Variants in IQCM observed in about 807,000 individuals in gnomAD.
IQCM encodes the protein IQ domain-containing protein M.
A neutral mutation model predicts 57.6 loss-of-function variants in IQCM; 45 were observed. That is an observed-to-expected ratio of 0.78 (90% confidence interval 0.62 to 1.00). The LOEUF is 1.00. Ranked by LOEUF, IQCM falls within the 50% of genes least tolerant of loss-of-function variation. The pLI, the probability that IQCM is intolerant of heterozygous loss-of-function variation, is 0.00. For missense variants in IQCM, 468 were observed against 511.6 expected (o/e 0.91, Z 0.82); for synonymous variants, 148 against 158.9 (o/e 0.93, Z 0.51).
At position 149,686,408 on chromosome 4, in the gene IQCM, G is replaced by A; in HGVS notation, c.446C>T (p.Thr149Ile). 1 of 1,226,340 alleles carries A rather than the reference G, an allele frequency of 8.2e-7. No individual in the cohort carries two copies. The highest frequency in any genetic ancestry group is 1.0e-6 in the Non-Finnish European group (1 of 983,340). 76.0% of individuals were successfully genotyped at this position (1,226,340 alleles called of 1,614,324 possible). ...CTCCTCAAAGTGCTGTTGCTTTGCTGTCTCCATTTTTTTACTCACTGGTTC... is the reference window on the plus strand; with the variant it reads ...CTCCTCAAAGTGCTGTTGCTTTGCTATCTCCATTTTTTTACTCACTGGTTC... ...IIEPVSKKME[T>I]AKQQHFEESR... is the part of the protein sequence containing the mutation. The change falls in exon 6 of 14, where the codon ACA (threonine) becomes ATA (isoleucine). Residue 149 changes from threonine (T) to isoleucine (I), a missense_variant. Thr to Ile is a moderately conservative substitution (Grantham distance 89). Coordinates refer to ENST00000636793, the MANE Select transcript of IQCM (RefSeq NM_001363507.2).
intron 8 of IQCM, among the ~76,000 whole-genome samples, chr4:149,620,162 C>A (rs368852425): frequency 0.017 from 2,417 of 143,260 alleles, 39 homozygotes; most frequent in Middle Eastern, 0.043. Context: ...GTCTCAAAAA[C>A]AAAAAAAAAA....
intron 8 of IQCM, among the ~76,000 whole-genome samples, chr4:149,593,311 C>G (rs985125019): frequency 2.6e-5 from 4 of 152,036 alleles, no homozygotes; most frequent in Non-Finnish European, 5.9e-5. Flanking sequence ...GATTTTGTAT[C>G]CTGAGACTTT....
intron 11 of IQCM, among the ~76,000 whole-genome samples, chr4:149,551,126 A>C (rs947954794): frequency 2.6e-5 from 4 of 152,106 alleles, no homozygotes; most frequent in Non-Finnish European, 5.9e-5. Flanking sequence ...CTACCTTTCC[A>C]ATTTCATTTT....
At chr4:149,625,445 T>G (rs563495052) in intron 7 of IQCM, among the ~76,000 whole-genome samples, 1 of 152,330 alleles carries the variant, frequency 6.6e-6, no homozygotes, top group African/African-American at 2.4e-5. Context: ...GAGAAAAGTA[T>G]AACAAGCTTG....
At chr4:149,358,879 G>GATATACTCTCATGAGTATATCATGAT (rs1427812018) in intron 13 of IQCM, among the ~76,000 whole-genome samples, 1 of 151,982 alleles carries the variant, frequency 6.6e-6, no homozygotes, top group African/African-American at 2.4e-5. Flanking sequence ...AGTATATCAT[G>GATATACTCTCATGAGTATATCATGAT]AGACCACAGT....
intron 13 of IQCM, among the ~76,000 whole-genome samples, chr4:149,424,100 G>A (rs1159061023): frequency 1.3e-5 from 2 of 152,034 alleles, no homozygotes; most frequent in African/African-American, 2.4e-5. Context: ...GAGAATTACA[G>A]TGGGGAATAA....
At chr4:149,666,786 C>T (rs1369283834) in intron 7 of IQCM, among the ~76,000 whole-genome samples, 1 of 152,080 alleles carries the variant, frequency 6.6e-6, no homozygotes, top group Non-Finnish European at 1.5e-5. Flanking sequence ...GCATTTTCCC[C>T]TCACAGTGTA....
intron 8 of IQCM, among the ~76,000 whole-genome samples, chr4:149,594,254 T>A (rs1474529758): frequency 6.6e-6 from 1 of 152,202 alleles, no homozygotes; most frequent in Non-Finnish European, 1.5e-5. Context: ...TAGGGGTGTT[T>A]ATAGTATTCT....
In IQCM at chr4:149,548,465, C is replaced by A; in HGVS notation, c.1218G>T (p.Leu406=). Residue 406 remains leucine, a synonymous_variant, in exon 12 of 14, where the codon CTG becomes CTT. Coordinates refer to ENST00000636793, the MANE Select transcript of IQCM (RefSeq NM_001363507.2). Reference sequence around the variant, plus strand: ...TGAGAAACTACTCACCTTGATGGACCAGGTCCCAAGTATCATCAACTTGTT... The same window carrying A: ...TGAGAAACTACTCACCTTGATGGACAAGGTCCCAAGTATCATCAACTTGTT... ...TQKQVDDTWD[L]VHQDGKEKYS... The A allele has an allele frequency of 3.2e-6, 4 of 1,231,868 alleles. No individual in the cohort carries two copies. Among genetic ancestry groups the A allele is most frequent in the Non-Finnish European group, 4.0e-6 (4 of 987,848 alleles). 76.3% of individuals were successfully genotyped at this position (1,231,868 alleles called of 1,614,324 possible).
intron 12 of IQCM, among the ~76,000 whole-genome samples, chr4:149,546,429 CCCA>C (rs1289152637): frequency 1.3e-5 from 2 of 152,190 alleles, no homozygotes; most frequent in Admixed American, 6.5e-5. Context: ...AGTTTACAGT[CCCA>C]CCAACAGTGT....
intron 10 of IQCM, among the ~76,000 whole-genome samples, chr4:149,563,070 C>T (rs111887075): frequency 0.018 from 2,798 of 152,206 alleles, 57 homozygotes; most frequent in African/African-American, 0.055. Flanking sequence ...TGCATTTGCC[C>T]AGCCAAAATG....
At chr4:149,675,256 A>G (rs1561141260) in intron 7 of IQCM, among the ~76,000 whole-genome samples, 1 of 152,074 alleles carries the variant, frequency 6.6e-6, no homozygotes, top group East Asian at 1.9e-4. Flanking sequence ...AAATCAATAG[A>G]TTACTATAAG....
At chr4:149,667,967 T>C (rs1412848023) in intron 7 of IQCM, among the ~76,000 whole-genome samples, 1 of 151,936 alleles carries the variant, frequency 6.6e-6, no homozygotes, top group Non-Finnish European at 1.5e-5. Flanking sequence ...CACCTGAAAG[T>C]GACAGGAAGA....
In IQCM at chr4:149,788,188, G is replaced by T. The variant is rs184224456; in HGVS notation, c.-49+27123C>A. Among the ~76,000 whole-genome samples the T allele has an allele frequency of 5.3e-5, 8 of 152,212 alleles. No individual in the cohort carries two copies. In the East Asian group the frequency reaches 1.2e-3, roughly 22 times the overall value. On this transcript the variant is annotated intron_variant, in intron 2 of 13. Transcript: ENST00000636793. ...GTCTCTACTAAAAATACAAAAATTA[G>T]CTGGGCATGGTGGCACAAGTCTGTA...
At chr4:149,785,845 C>A (rs1325846758) in intron 2 of IQCM, among the ~76,000 whole-genome samples, 1 of 151,550 alleles carries the variant, frequency 6.6e-6, no homozygotes, top group Non-Finnish European at 1.5e-5. Flanking sequence ...TCTTAGCCCT[C>A]AAGCTGCACA....
chr4:149,762,878 C>T (rs1321000128), intron 2 of IQCM, among the ~76,000 whole-genome samples: 2 of 151,972 alleles, frequency 1.3e-5, no homozygotes, highest in East Asian at 3.9e-4. Flanking sequence ...AATCTGTTGC[C>T]ACATAGCAAT....
chr4:149,646,953 C>T (rs1758693558), intron 7 of IQCM, among the ~76,000 whole-genome samples: 1 of 152,150 alleles, frequency 6.6e-6, no homozygotes, highest in Admixed American at 6.5e-5. Flanking sequence ...AACTGCACTC[C>T]AACCTGGGTG....
rs145644899 is a variant in IQCM at position 149,454,971 on chromosome 4, C to T, written c.1229-21414G>A. Among the ~76,000 whole-genome samples, 21 of 152,026 alleles carry T rather than the reference C, an allele frequency of 1.4e-4. 1 individual carries two copies. The East Asian group carries it at 4.1e-3, about 30-fold the overall frequency. On this transcript the variant is annotated intron_variant, in intron 12 of 13. Coordinates refer to ENST00000636793, the MANE Select transcript of IQCM (RefSeq NM_001363507.2). ...TGATGGTTGCACGACTCTGTGAATACCCTATCATTGAGTAATACACATGAT... is the reference window on the plus strand; with the variant it reads ...TGATGGTTGCACGACTCTGTGAATATCCTATCATTGAGTAATACACATGAT...
At chr4:149,528,037 G>A (rs1338564612) in intron 12 of IQCM, among the ~76,000 whole-genome samples, 1 of 151,188 alleles carries the variant, frequency 6.6e-6, no homozygotes, top group African/African-American at 2.4e-5. Context: ...CCAGGCTGGA[G>A]TGCAGTGGCA....
Sources: gnomAD v4.1 joint callset for allele counts (sites outside exome capture counted in the v4.1 genomes callset) on GRCh38, gnomAD v4.1.1 for gene constraint, MANE v1.5 for transcripts, NCBI Gene and HGNC (gene_info 2026-07-23, HGNC 2026-07-21) for gene names.